FGF2: variants seen among roughly 807,000 people sequenced by gnomAD.
FGF2 encodes basic fibroblast growth factor bFGF.
In FGF2, 13 loss-of-function variants were observed where a neutral mutation model predicts 15.9. The ratio of observed to expected loss-of-function variants is 0.82; its 90% CI spans 0.53 to 1.30. The LOEUF (loss-of-function observed/expected upper bound fraction) is 1.30. Ranked by LOEUF, FGF2 falls within the 50% of genes most tolerant of loss-of-function variation. FGF2 has a pLI of 0.00. For missense variants in FGF2, 163 were observed against 196.9 expected (o/e 0.83, Z 1.03); for synonymous variants, 90 against 78.4 (o/e 1.15, Z -0.78).
At chr4:122,835,292 G>A (rs72672941) in intron 1 of FGF2, among the ~76,000 whole-genome samples, 5,686 of 152,052 alleles carry the variant, frequency 0.037, 181 homozygotes, top group Non-Finnish European at 0.054. Flanking sequence ...CTCCTCAGGC[G>A]GTTATACTTT....
chr4:122,867,937 A>G (rs1193822546), intron 1 of FGF2, among the ~76,000 whole-genome samples: 5 of 152,202 alleles, frequency 3.3e-5, no homozygotes, highest in Non-Finnish European at 5.9e-5. Context: ...TAGCCAGATC[A>G]GCTTTCTTAT....
intron 1 of FGF2, among the ~76,000 whole-genome samples, chr4:122,837,272 T>C (rs1368085330): frequency 5.9e-5 from 9 of 152,196 alleles, no homozygotes; most frequent in African/African-American, 2.2e-4. Flanking sequence ...AATTACTGAA[T>C]GACCAGTCTC....
intron 1 of FGF2, among the ~76,000 whole-genome samples, chr4:122,849,913 T>G (rs1193776256): frequency 6.6e-6 from 1 of 152,218 alleles, no homozygotes; most frequent in Non-Finnish European, 1.5e-5. Context: ...AATGTATCAT[T>G]TCCAGAACAT....
chr4:122,890,374 T>C (rs999827071), intron 2 of FGF2, among the ~76,000 whole-genome samples: 1 of 152,216 alleles, frequency 6.6e-6, no homozygotes, highest in Non-Finnish European at 1.5e-5. Flanking sequence ...ATTTGCATCA[T>C]GAAGAATTGA....
chr4:122,889,212 A>G (rs72919807), intron 2 of FGF2, among the ~76,000 whole-genome samples: 6,336 of 152,226 alleles, frequency 0.042, 423 homozygotes, highest in African/African-American at 0.14. Flanking sequence ...TTTAAAGTAT[A>G]TGCATAAAAG....
intron 1 of FGF2, among the ~76,000 whole-genome samples, chr4:122,849,299 C>A (rs941599947): frequency 6.6e-6 from 1 of 152,070 alleles, no homozygotes; most frequent in African/African-American, 2.4e-5. Flanking sequence ...ATGTCCTTTG[C>A]AGGGAAATGG....
At chr4:122,826,828 G>T, upstream of FGF2, 1 of 1,470,298 alleles carries the variant, frequency 6.8e-7, no homozygotes, top group East Asian at 2.8e-5. Context: ...CGGCCCGGCG[G>T]GTGCCAGATT....
At chr4:122,872,597 A>AG (rs1391425794) in intron 1 of FGF2, among the ~76,000 whole-genome samples, 1 of 152,180 alleles carries the variant, frequency 6.6e-6, no homozygotes, top group African/African-American at 2.4e-5. Flanking sequence ...GTTGAAATGA[A>AG]GGAAAAACTG....
At chr4:122,860,093 T>C (rs1004966987) in intron 1 of FGF2, among the ~76,000 whole-genome samples, 1 of 152,206 alleles carries the variant, frequency 6.6e-6, no homozygotes. Context: ...ATCTTACCTA[T>C]ATCGAGTTTT....
At chr4:122,860,935 A>C (rs1726450499) in intron 1 of FGF2, among the ~76,000 whole-genome samples, 1 of 152,170 alleles carries the variant, frequency 6.6e-6, no homozygotes, top group African/African-American at 2.4e-5. Flanking sequence ...TTTTTAATGG[A>C]GAAAATGGTA....
intron 1 of FGF2, among the ~76,000 whole-genome samples, chr4:122,840,965 T>C (rs1725971553): frequency 6.6e-6 from 1 of 152,070 alleles, no homozygotes; most frequent in Non-Finnish European, 1.5e-5. Flanking sequence ...TACAGATCTC[T>C]GAAAAAAACT....
chr4:122,843,057 G>A (rs1726026695), intron 1 of FGF2, among the ~76,000 whole-genome samples: 2 of 152,162 alleles, frequency 1.3e-5, no homozygotes, highest in Admixed American at 6.5e-5. Context: ...CCCTTAAAAT[G>A]TGTTTTGTTT....
chr4:122,897,584 C>G lies in FGF2; in HGVS notation c.*5188C>G, dbSNP rs201003321. The G allele has an allele frequency of 2.5e-5, 34 of 1,368,824 alleles. No homozygotes were observed. In the African/African-American group the frequency reaches 4.1e-4, roughly 17 times the overall value. 84.8% of individuals were successfully genotyped at this position (1,368,824 alleles called of 1,614,324 possible). A position where few individuals can be genotyped will look rare whatever the true frequency, so the allele number is the denominator to read the frequency against. On this transcript the variant is annotated 3_prime_UTR_variant, in exon 3 of 3. Transcript: ENST00000644866. ...AAGAAAGTAAACACATTAATTTCCT[C>G]AACATTTTTAAGCCAATTAAAAATA...
Position 122,882,855 on chromosome 4 carries a change from GT to G in FGF2, c.282+6433del, listed in dbSNP as rs1227917824. ...AGCAGCAATCCTGTCTCTTTCAAAT[GT>G]TCTTGGTGGGCTGTGTCAATCTTCA... On this transcript the variant is annotated intron_variant, in intron 2 of 2. Transcript: ENST00000644866. 4 of 152,236 alleles carry G rather than the reference GT, an allele frequency of 2.6e-5. No individual in the cohort carries two copies. In the East Asian group the frequency reaches 7.7e-4, roughly 29 times the overall value. 9.4% of individuals were successfully genotyped at this position (152,236 alleles called of 1,614,324 possible).
chr4:122,846,556 C>T (rs1726116355), intron 1 of FGF2, among the ~76,000 whole-genome samples: 1 of 152,100 alleles, frequency 6.6e-6, no homozygotes, highest in South Asian at 2.1e-4. Flanking sequence ...AAAATGCACA[C>T]ACACCAACAC....
chr4:122,838,170 TA>T (rs1407880026), intron 1 of FGF2, among the ~76,000 whole-genome samples: 2 of 152,170 alleles, frequency 1.3e-5, no homozygotes, highest in Non-Finnish European at 2.9e-5. Context: ...AGACATAGAT[TA>T]TTTTTTGGAG....
chr4:122,855,972 G>A (rs1462498170), intron 1 of FGF2, among the ~76,000 whole-genome samples: 6 of 152,144 alleles, frequency 3.9e-5, no homozygotes, highest in Non-Finnish European at 8.8e-5. Flanking sequence ...AGACTATGAA[G>A]AATAGGGATT....
chr4:122,851,987 G>A (rs920747770), intron 1 of FGF2, among the ~76,000 whole-genome samples: 3 of 152,216 alleles, frequency 2.0e-5, no homozygotes, highest in African/African-American at 7.2e-5. Flanking sequence ...AATATAGGCA[G>A]TGTGTTTAGG....
chr4:122,877,511 T>C (rs907206117), intron 2 of FGF2, among the ~76,000 whole-genome samples: 4 of 152,258 alleles, frequency 2.6e-5, no homozygotes, highest in South Asian at 4.1e-4. Context: ...CCCTGTCAAC[T>C]TCACCATTAT....
Sources: allele counts gnomAD v4.1 joint callset (sites outside exome capture counted in the v4.1 genomes callset), GRCh38; gene constraint gnomAD v4.1.1; transcripts MANE v1.5; gene names NCBI Gene and HGNC (gene_info 2026-07-23, HGNC 2026-07-21).